The following U2SURP variants were observed in gnomAD, a reference collection of about 807,000 sequenced individuals.
The protein encoded by U2SURP is U2 snRNP-associated SURP motif-containing protein.
U2SURP carries 9 observed loss-of-function variants against 144.9 expected under a neutral mutation model. That is an observed-to-expected ratio of 0.06 (90% CI 0.04 to 0.11). U2SURP has a LOEUF of 0.11. U2SURP is among the 10% of genes least tolerant of loss of function. U2SURP has a pLI of 1.00. For missense variants in U2SURP, 724 were observed against 1,226.7 expected, an observed-to-expected ratio of 0.59 and a Z score of 6.12; for synonymous variants, 408 against 396.8, an observed-to-expected ratio of 1.03 and a Z score of -0.33.
chr3:143,044,035 C>G (rs949748441), intron 24 of U2SURP, among the ~76,000 whole-genome samples: 4 of 151,992 alleles, frequency 2.6e-5, no homozygotes, highest in African/African-American at 9.7e-5. Context: ...TTACAGGTGT[C>G]AGCCACCACA....
At chr3:143,008,685 A>AT in intron 1 of U2SURP, among the ~76,000 whole-genome samples, 1 of 152,118 alleles carries the variant, frequency 6.6e-6, no homozygotes, top group Non-Finnish European at 1.5e-5. Flanking sequence ...ATGTTTTTAT[A>AT]TTTTTTGTTG....
intron 1 of U2SURP, among the ~76,000 whole-genome samples, chr3:143,003,099 A>G (rs1935622819): frequency 6.6e-6 from 1 of 152,212 alleles, no homozygotes; most frequent in South Asian, 2.1e-4. Flanking sequence ...GAGGTCTTGG[A>G]TACATTGAAA....
In U2SURP at chr3:143,059,138, A is replaced by G. The variant is rs994237965; in HGVS notation, c.*2688A>G. 6.6e-6 allele frequency: 1 copy of G among 152,432 alleles called. No individual in the cohort carries two copies. The highest frequency in any genetic ancestry group is 1.5e-5 in the Non-Finnish European group (1 of 67,840). 9.4% of individuals were successfully genotyped at this position (152,432 alleles called of 1,614,324 possible). On this transcript the variant is annotated 3_prime_UTR_variant, in exon 28 of 28. Transcript: ENST00000473835. ...AACGTTATAGTTCCTTATTACAGAT[A>G]GTAAGCATATGGGAATTTCTGAGCT... is the stretch of plus-strand genomic sequence containing the variant.
At chr3:143,018,064 GA>G (rs1169697572) in intron 6 of U2SURP, among the ~76,000 whole-genome samples, 2 of 151,842 alleles carry the variant, frequency 1.3e-5, no homozygotes, top group East Asian at 3.9e-4. Flanking sequence ...TTTACAAAAA[GA>G]AAAAAAATTT....
At chr3:143,050,176 C>T (rs577382984) in intron 24 of U2SURP, among the ~76,000 whole-genome samples, 30 of 152,164 alleles carry the variant, frequency 2.0e-4, no homozygotes, top group African/African-American at 7.0e-4. Context: ...CGGGTTCAAG[C>T]GATTCTCCTG....
intron 16 of U2SURP, 76 bp from the exon 17 acceptor site, chr3:143,032,708 T>C (rs1933577898): frequency 7.6e-7 from 1 of 1,318,000 alleles, no homozygotes; most frequent in East Asian, 2.3e-5. Context: ...TTAAAGAAAT[T>C]AGTTTGTGAG....
In U2SURP at chr3:143,032,706, ATTAG is replaced by A. The variant is rs1933577728; in HGVS notation, c.1611-75_1611-72del. ...TTTTATGTGAGTAGGTTTTAAAGAA[ATTAG>A]TTTGTGAGCAAAAGCTACAATGGCA... is the stretch of plus-strand genomic sequence containing the variant. On this transcript the variant is annotated intron_variant, in intron 16 of 27. Transcript: ENST00000473835. 3 of 1,312,752 alleles carry A rather than the reference ATTAG, an allele frequency of 2.3e-6. No individual in the cohort carries two copies. The South Asian group carries it at 4.3e-5, about 19-fold the overall frequency. 81.3% of individuals were successfully genotyped at this position (1,312,752 alleles called of 1,614,324 possible).
intron 16 of U2SURP, 120 bp from the exon 17 acceptor site, chr3:143,032,664 T>C: frequency 1.2e-6 from 1 of 860,276 alleles, no homozygotes; most frequent in Non-Finnish European, 1.8e-6. Flanking sequence ...CTGAATGTAT[T>C]ACAGTCTTCA....
At chr3:143,002,172 C>G (rs1203274410) in intron 1 of U2SURP, 1 of 203,664 alleles carries the variant, frequency 4.9e-6, no homozygotes, top group Non-Finnish European at 1.0e-5. Flanking sequence ...ACCACTAGGG[C>G]AAAGACACGG....
At chr3:143,035,942 C>A (rs1182069366) in intron 19 of U2SURP, 40 bp from the exon 20 acceptor site, 1 of 1,555,870 alleles carries the variant, frequency 6.4e-7, no homozygotes. Context: ...AGACATATAG[C>A]CCAAAATAAA....
intron 16 of U2SURP, among the ~76,000 whole-genome samples, chr3:143,031,444 C>CGCCCT (rs1933485911): frequency 8.8e-6 from 1 of 114,170 alleles, no homozygotes; most frequent in Non-Finnish European, 2.2e-5. Flanking sequence ...CAGCTACCAC[C>CGCCCT]ACCCTAACCT....
rs923751673 is a variant in U2SURP at position 143,058,595 on chromosome 3, G to T, written c.*2145G>T. ...ATTTTTTTTTCTTGAATTGCAAATGGTATTATTAGATAGGTTATTTCCAGT... is the reference window on the plus strand; with the variant it reads ...ATTTTTTTTTCTTGAATTGCAAATGTTATTATTAGATAGGTTATTTCCAGT... On this transcript the variant is annotated 3_prime_UTR_variant, in exon 28 of 28. Coordinates refer to ENST00000473835, the MANE Select transcript of U2SURP (RefSeq NM_001080415.2). The T allele has an allele frequency of 6.6e-6, 1 of 151,620 alleles. No individual in the cohort carries two copies. The highest frequency in any genetic ancestry group is 2.4e-5 in the African/African-American group (1 of 41,354). The allele number at this position is 151,620 out of a possible 1,614,324, so 9.4% of individuals were successfully genotyped here.
At chr3:143,029,364 G>A (rs1050236318) in intron 16 of U2SURP, among the ~76,000 whole-genome samples, 7 of 152,090 alleles carry the variant, frequency 4.6e-5, no homozygotes, top group Admixed American at 6.5e-5. Flanking sequence ...ATTATTTTTC[G>A]AACAGCATGT....
At chr3:143,024,546 A>G (rs1267468132) in intron 13 of U2SURP, 1 of 434,066 alleles carries the variant, frequency 2.3e-6, no homozygotes, top group Non-Finnish European at 4.5e-6. Context: ...CATGGTAACA[A>G]AGGTATTTGG....
chr3:143,003,677 C>CTTTTTTT (rs60505715), intron 1 of U2SURP, among the ~76,000 whole-genome samples: 50 of 101,520 alleles, frequency 4.9e-4, no homozygotes, highest in Non-Finnish European at 6.7e-4. Flanking sequence ...TATTTTATTT[C>CTTTTTTT]TTTTTTTTTT....
At chr3:143,009,765 C>A (rs1363066292) in intron 1 of U2SURP, among the ~76,000 whole-genome samples, 1 of 152,118 alleles carries the variant, frequency 6.6e-6, no homozygotes, top group South Asian at 2.1e-4. Context: ...AGCCTTATGT[C>A]TGGACAATGT....
chr3:143,022,364 C>T (rs778091556), intron 10 of U2SURP, 133 bp from the exon 11 acceptor site: 47 of 707,226 alleles, frequency 6.6e-5, no homozygotes, highest in Admixed American at 1.4e-4. Flanking sequence ...GTGTGGCGTT[C>T]CTGGTACTTA....
At position 143,033,338 on chromosome 3, in the gene U2SURP, AT is replaced by A; in HGVS notation, c.1843del (p.Tyr615IlefsTer36). ...TCAGCCAAAGTTGCTAATGCTTCAT[AT>A]TATAGAAAATTGTAAGTATAATGAT... ...NSSAKVANAS[Y>X]YRKFFETKLC... is the part of the protein sequence containing the mutation. On this transcript the variant is annotated frameshift_variant, in exon 18 of 28. Coordinates refer to ENST00000473835, the MANE Select transcript of U2SURP (RefSeq NM_001080415.2). LOFTEE classifies it high-confidence loss of function. The A allele has an allele frequency of 6.6e-7, 1 of 1,504,670 alleles. No individual in the cohort carries two copies. Among genetic ancestry groups the A allele is most frequent in the Non-Finnish European group, 9.0e-7 (1 of 1,106,310 alleles). 93.2% of individuals were successfully genotyped at this position (1,504,670 alleles called of 1,614,324 possible). A position where few individuals can be genotyped will look rare whatever the true frequency, so the allele number is the denominator to read the frequency against.
chr3:143,019,300 T>C (rs1263397654), intron 6 of U2SURP, among the ~76,000 whole-genome samples: 1 of 152,206 alleles, frequency 6.6e-6, no homozygotes, highest in Non-Finnish European at 1.5e-5. Flanking sequence ...TATCAGTTTT[T>C]TTCTTTTGTT....
Sources: allele counts gnomAD v4.1 joint callset (sites outside exome capture counted in the v4.1 genomes callset), GRCh38; gene constraint gnomAD v4.1.1; transcripts MANE v1.5; gene names NCBI Gene and HGNC (gene_info 2026-07-23, HGNC 2026-07-21).